CELF2: variants seen among roughly 807,000 people sequenced by gnomAD.
The protein encoded by CELF2 is CUGBP Elav-like family member 2.
Under a neutral mutation model 62.6 loss-of-function variants are expected in CELF2, and 8 were observed. The observed-to-expected ratio is 0.13, with a 90% CI of 0.07 to 0.23. The LOEUF is 0.23. CELF2 is among the 10% of genes least tolerant of loss of function. The probability of loss-of-function intolerance (pLI) is 1.00; values close to 1 mark genes in which losing one functional copy is unlikely to be tolerated. For synonymous variants in CELF2, 258 were observed against 250.0 expected, an observed-to-expected ratio of 1.03 and a Z score of -0.30; for missense variants, 333 against 671.0, an observed-to-expected ratio of 0.50 and a Z score of 5.56.
At chr10:10,689,431 A>G in the CELF2 span, among the ~76,000 whole-genome samples, 1 of 152,240 alleles carries the variant, frequency 6.6e-6, no homozygotes, top group African/African-American at 2.4e-5. Flanking sequence ...TTACAAATCA[A>G]CATGATATTT....
intron 1 of CELF2, among the ~76,000 whole-genome samples, chr10:10,851,235 G>A (rs562816380): frequency 8.8e-4 from 134 of 152,212 alleles, no homozygotes; most frequent in Middle Eastern, 3.4e-3. Flanking sequence ...AAATAGTTTG[G>A]CCATTTCTTA....
At chr10:11,090,767 G>A (rs187266684) in intron 1 of CELF2, among the ~76,000 whole-genome samples, 123 of 152,254 alleles carry the variant, frequency 8.1e-4, no homozygotes, top group African/African-American at 2.9e-3. Flanking sequence ...GGGGTGGGAC[G>A]GAAGTGATCT....
chr10:10,572,211 T>C, the CELF2 span, among the ~76,000 whole-genome samples: 741 of 152,322 alleles, frequency 4.9e-3, 9 homozygotes, highest in African/African-American at 0.017. Context: ...TCAGACTTTT[T>C]TTTTTAATCA....
At chr10:10,763,961 T>C in the CELF2 span, among the ~76,000 whole-genome samples, 1 of 152,242 alleles carries the variant, frequency 6.6e-6, no homozygotes, top group Non-Finnish European at 1.5e-5. Context: ...GTATTGTAGA[T>C]GGAGTGAATT....
chr10:10,699,992 A>AG, the CELF2 span, among the ~76,000 whole-genome samples: 1 of 152,206 alleles, frequency 6.6e-6, no homozygotes, highest in Non-Finnish European at 1.5e-5. Flanking sequence ...CAGTATTTCC[A>AG]GAAAAAGCCT....
At chr10:10,618,049 C>T in the CELF2 span, among the ~76,000 whole-genome samples, 3 of 151,994 alleles carry the variant, frequency 2.0e-5, no homozygotes, top group Non-Finnish European at 4.4e-5. Context: ...CTGAGCAGCT[C>T]TCTCCACCCC....
At chr10:11,073,448 G>C (rs2070795874) in intron 1 of CELF2, among the ~76,000 whole-genome samples, 1 of 152,188 alleles carries the variant, frequency 6.6e-6, no homozygotes, top group African/African-American at 2.4e-5. Context: ...GGGATGTTTA[G>C]CAATAGTCAC....
rs575301653 is a variant in CELF2, at chr10:11,207,614, A to G, written c.272-9811A>G. On this transcript the variant is annotated intron_variant, in intron 2 of 12. Transcript: ENST00000633077. The surrounding 1 kb of genome is among the most constrained non-coding windows in gnomAD (Gnocchi z 4.1). ...AGGGCGGTGCGGGTCCCACGCTGCC[A>G]GTGTAAGTTTCCCAGGGGAATTCCT... 6.6e-5 allele frequency among the ~76,000 whole-genome samples: 10 copies of G among 152,384 alleles called. No homozygotes were observed. Among genetic ancestry groups the G allele is most frequent in the African/African-American group, 2.2e-4 (9 of 41,596 alleles).
chr10:11,185,645 C>A (rs1441968938), intron 2 of CELF2, among the ~76,000 whole-genome samples: 1 of 152,134 alleles, frequency 6.6e-6, no homozygotes, highest in East Asian at 1.9e-4. Flanking sequence ...AACTCCTGAC[C>A]TCAGGTGATG....
chr10:10,679,923 A>G, the CELF2 span, among the ~76,000 whole-genome samples: 3 of 152,188 alleles, frequency 2.0e-5, no homozygotes, highest in Non-Finnish European at 2.9e-5. Flanking sequence ...ATGTGTGTGA[A>G]TATCTTCCTC....
At chr10:11,274,809 TAA>T (rs2085363350) in intron 7 of CELF2, among the ~76,000 whole-genome samples, 1 of 150,686 alleles carries the variant, frequency 6.6e-6, no homozygotes, top group Admixed American at 6.7e-5. Context: ...ACCTGGTTGT[TAA>T]AAAGAGTAAA....
the CELF2 span, among the ~76,000 whole-genome samples, chr10:10,643,387 T>C: frequency 6.6e-6 from 1 of 152,150 alleles, no homozygotes; most frequent in Non-Finnish European, 1.5e-5. Flanking sequence ...TAAAGCGCAG[T>C]TCCCCTGCAC....
At chr10:10,713,766 G>T in the CELF2 span, among the ~76,000 whole-genome samples, 1 of 152,198 alleles carries the variant, frequency 6.6e-6, no homozygotes, top group Non-Finnish European at 1.5e-5. Flanking sequence ...CGGGCACGGT[G>T]GCTCATGCCT....
the CELF2 span, among the ~76,000 whole-genome samples, chr10:10,602,349 C>A: frequency 5.3e-5 from 8 of 152,128 alleles, no homozygotes; most frequent in African/African-American, 1.9e-4. Context: ...ACCCTGGTTA[C>A]AAGTCTGGGG....
intron 2 of CELF2, among the ~76,000 whole-genome samples, chr10:10,932,178 C>T (rs1396880412): frequency 6.6e-6 from 1 of 152,100 alleles, no homozygotes; most frequent in Admixed American, 6.6e-5. Flanking sequence ...ACGATGATCC[C>T]TGCCCTTAAG....
the CELF2 span, among the ~76,000 whole-genome samples, chr10:10,480,599 A>G: frequency 1.3e-5 from 2 of 152,248 alleles, no homozygotes; most frequent in African/African-American, 4.8e-5. Flanking sequence ...ATGCTACCTA[A>G]TTTGAGAATC....
At chr10:10,479,956 C>T in the CELF2 span, among the ~76,000 whole-genome samples, 100 of 152,266 alleles carry the variant, frequency 6.6e-4, no homozygotes, top group African/African-American at 2.2e-3. Flanking sequence ...CCTGACCTGG[C>T]GATTTAGCCT....
the CELF2 span, among the ~76,000 whole-genome samples, chr10:10,690,848 TC>T: frequency 1.3e-5 from 2 of 152,090 alleles, no homozygotes; most frequent in Non-Finnish European, 2.9e-5. Flanking sequence ...CCAACTGCAT[TC>T]CAGCCTGGGT....
chr10:10,752,981 T>C, the CELF2 span, among the ~76,000 whole-genome samples: 1 of 152,174 alleles, frequency 6.6e-6, no homozygotes, highest in Non-Finnish European at 1.5e-5. Flanking sequence ...CATAACGTAC[T>C]TAAAGACAGT....
Sources: gnomAD v4.1 joint callset for allele counts (sites outside exome capture counted in the v4.1 genomes callset) on GRCh38, gnomAD v4.1.1 for gene constraint, Gnocchi (gnomAD v3.1) non-coding constraint, MANE v1.5 for transcripts, NCBI Gene and HGNC (gene_info 2026-07-23, HGNC 2026-07-21) for gene names.